Variants in MACROD1 observed in about 807,000 individuals in gnomAD.
MACROD1 encodes the protein ADP-ribose glycohydrolase MACROD1.
A neutral mutation model predicts 41.4 loss-of-function variants in MACROD1; 31 were observed. The observed-to-expected ratio is 0.75, with a 90% CI of 0.56 to 1.01. MACROD1 has a LOEUF of 1.01. MACROD1 is among the 50% of genes least tolerant of loss of function. MACROD1 has a pLI of 0.00. For synonymous variants in MACROD1, 252 were observed against 203.4 expected, an observed-to-expected ratio of 1.24 and a Z score of -2.03; for missense variants, 473 against 460.0, an observed-to-expected ratio of 1.03 and a Z score of -0.26.
At chr11:64,114,055 CATGG>C (rs61724501) in intron 3 of MACROD1, among the ~76,000 whole-genome samples, 28,770 of 97,650 alleles carry the variant, frequency 0.29, 3,499 homozygotes, top group African/African-American at 0.42. Context: ...TGGGTTGATG[CATGG>C]ATGGATGGAT....
chr11:64,031,818 G>A (rs1244713978), intron 3 of MACROD1, among the ~76,000 whole-genome samples: 3 of 152,174 alleles, frequency 2.0e-5, no homozygotes, highest in Non-Finnish European at 4.4e-5. Context: ...TGGTGTCCCT[G>A]AAGTGGCATG....
At position 64,152,401 on chromosome 11, in the gene MACROD1, G is replaced by A. The variant is rs751272275; in HGVS notation, c.299-8C>T. ...TCAGGCCCTTCAGAAAGGCTGCAGA[G>A]GCAGGAAGGAGGATCAGGGTGGGGG... is the stretch of plus-strand genomic sequence containing the variant. On this transcript the variant is annotated splice_polypyrimidine_tract_variant and splice_region_variant and intron_variant, in intron 1 of 10. Transcript: ENST00000255681. 5.0e-6 allele frequency: 8 copies of A among 1,611,564 alleles called. No individual in the cohort carries two copies. The highest frequency in any genetic ancestry group is 5.1e-6 in the Non-Finnish European group (6 of 1,177,606).
chr11:64,159,965 G>A (rs1166438485), intron 1 of MACROD1, among the ~76,000 whole-genome samples: 1 of 152,194 alleles, frequency 6.6e-6, no homozygotes, highest in African/African-American at 2.4e-5. Flanking sequence ...ATGGAAATGA[G>A]CGTCAGCCTG....
intron 4 of MACROD1, among the ~76,000 whole-genome samples, chr11:64,009,951 G>A (rs986093654): frequency 9.9e-5 from 15 of 152,258 alleles, no homozygotes; most frequent in African/African-American, 3.1e-4. Context: ...CCACACCAGG[G>A]TGTTGGCCGG....
chr11:64,082,387 G>A lies in MACROD1; in HGVS notation c.518-67106C>T, dbSNP rs1944319659. On this transcript the variant is annotated intron_variant, in intron 3 of 10. Coordinates refer to ENST00000255681, the MANE Select transcript of MACROD1 (RefSeq NM_014067.4). The surrounding 1 kb of genome is among the most constrained non-coding windows in gnomAD (Gnocchi z 4.5). ...AGGAGCATGGCTGGAGTGATTGATG[G>A]CTGGGAGGGAGCCTGAAGTGGGGGC... Among the ~76,000 whole-genome samples, 1 of 151,968 alleles carries A rather than the reference G, an allele frequency of 6.6e-6. No individual in the cohort carries two copies. Among genetic ancestry groups the A allele is most frequent in the Non-Finnish European group, 1.5e-5 (1 of 67,972 alleles).
intron 1 of MACROD1, among the ~76,000 whole-genome samples, chr11:64,162,244 T>C (rs1945766208): frequency 6.6e-6 from 1 of 151,894 alleles, no homozygotes; most frequent in African/African-American, 2.4e-5. Context: ...CTTGGGAGAC[T>C]GAGGTGGGAG....
intron 1 of MACROD1, among the ~76,000 whole-genome samples, chr11:64,161,032 G>A (rs1043569576): frequency 2.0e-5 from 3 of 151,960 alleles, no homozygotes; most frequent in South Asian, 2.1e-4. Flanking sequence ...TTAGCCAGGC[G>A]TGGTGGCGGG....
At chr11:64,002,069 T>C (rs151142830) in intron 4 of MACROD1, among the ~76,000 whole-genome samples, 130 of 152,332 alleles carry the variant, frequency 8.5e-4, no homozygotes, top group African/African-American at 2.9e-3. Flanking sequence ...GTGTATCCTG[T>C]TATTAACAAC....
chr11:64,061,595 A>G (rs1943905006), intron 3 of MACROD1, among the ~76,000 whole-genome samples: 1 of 152,064 alleles, frequency 6.6e-6, no homozygotes, highest in South Asian at 2.1e-4. Context: ...TTATCTGTGG[A>G]TGGGGTCCGA....
intron 3 of MACROD1, among the ~76,000 whole-genome samples, chr11:64,149,977 T>C (rs563802398): frequency 1.3e-5 from 2 of 152,306 alleles, no homozygotes; most frequent in East Asian, 3.9e-4. Flanking sequence ...AAGGTGACCC[T>C]AGCTCTCCCT....
intron 3 of MACROD1, among the ~76,000 whole-genome samples, chr11:64,126,544 CT>C (rs1408891575): frequency 1.3e-5 from 2 of 152,130 alleles, no homozygotes; most frequent in Admixed American, 6.5e-5. Context: ...CAGTAATTCC[CT>C]TTCCGGATGT....
rs527556940 is a variant in MACROD1 at position 64,012,665 on chromosome 11, C to A, written c.547+2587G>T. On this transcript the variant is annotated intron_variant, in intron 4 of 10. Transcript: ENST00000255681. Reference sequence around the variant, plus strand: ...CTGCCCACTTCAGCCTCCCAAAGAACTGGAATTACAGGTGTGAGCCACCGC... The same window carrying A: ...CTGCCCACTTCAGCCTCCCAAAGAAATGGAATTACAGGTGTGAGCCACCGC... Among the ~76,000 whole-genome samples the A allele has an allele frequency of 1.1e-4, 17 of 152,226 alleles. No homozygotes were observed. The East Asian group carries it at 3.3e-3, about 29-fold the overall frequency.
At chr11:64,018,881 G>A (rs897001406) in intron 3 of MACROD1, among the ~76,000 whole-genome samples, 17 of 152,326 alleles carry the variant, frequency 1.1e-4, no homozygotes, top group African/African-American at 3.1e-4. Flanking sequence ...TGCTGAAGGC[G>A]TGGTGGCTTC....
chr11:64,075,695 G>A (rs915630389), intron 3 of MACROD1, among the ~76,000 whole-genome samples: 3 of 152,190 alleles, frequency 2.0e-5, no homozygotes, highest in Non-Finnish European at 2.9e-5. Flanking sequence ...TTTTTGAGAT[G>A]GAGTTGCGCT....
chr11:64,134,315 C>G (rs985578813), intron 3 of MACROD1, among the ~76,000 whole-genome samples: 2 of 152,156 alleles, frequency 1.3e-5, no homozygotes, highest in Non-Finnish European at 2.9e-5. Flanking sequence ...CATGAGGTTG[C>G]AGAGAGAGTT....
In MACROD1 at chr11:64,130,628, G is replaced by C. The variant is rs535588472; in HGVS notation, c.517+20611C>G. Among the ~76,000 whole-genome samples, 22 of 152,250 alleles carry C rather than the reference G, an allele frequency of 1.4e-4. No individual in the cohort carries two copies. The South Asian group carries it at 4.6e-3, about 32-fold the overall frequency. On this transcript the variant is annotated intron_variant, in intron 3 of 10. Coordinates refer to ENST00000255681, the MANE Select transcript of MACROD1 (RefSeq NM_014067.4). ...CTGGCCCTGAAATTCTGCCTCCGTG[G>C]GTCTGACATTGGCTCATCCACTTTC...
At chr11:64,004,832 T>C (rs1022147093) in intron 4 of MACROD1, among the ~76,000 whole-genome samples, 1 of 151,928 alleles carries the variant, frequency 6.6e-6, no homozygotes, top group African/African-American at 2.4e-5. Flanking sequence ...GGAGGGTCAC[T>C]TGAGCTCAGG....
chr11:64,010,722 TGTTG>T (rs1325647250), intron 4 of MACROD1, among the ~76,000 whole-genome samples: 4 of 147,178 alleles, frequency 2.7e-5, no homozygotes, highest in South Asian at 4.4e-4. Context: ...TTGGTTGGGG[TGTTG>T]GTTGGCATGT....
At chr11:64,019,309 C>T (rs1943122868) in intron 3 of MACROD1, among the ~76,000 whole-genome samples, 1 of 152,122 alleles carries the variant, frequency 6.6e-6, no homozygotes, top group African/African-American at 2.4e-5. Flanking sequence ...GGTGGCACCC[C>T]TCAATGCCAG....
Sources: allele counts gnomAD v4.1 joint callset (sites outside exome capture counted in the v4.1 genomes callset), GRCh38; gene constraint gnomAD v4.1.1; non-coding constraint Gnocchi (gnomAD v3.1); transcripts MANE v1.5; gene names NCBI Gene and HGNC (gene_info 2026-07-23, HGNC 2026-07-21).